The following FAAH2 variants were observed in gnomAD, a reference collection of about 807,000 sequenced individuals.
The protein encoded by FAAH2 is fatty acid amide hydrolase 2, also known as fatty-acid amide hydrolase 2.
Under a neutral mutation model 36.9 loss-of-function variants are expected in FAAH2, and 60 were observed. That is an observed-to-expected ratio of 1.63 (90% confidence interval 1.32 to 2.02). FAAH2 has a LOEUF of 2.02. Among genes scored for constraint, FAAH2 ranks in the 30% most tolerant of loss-of-function variants. The pLI, the probability that FAAH2 is intolerant of heterozygous loss-of-function variation, is 0.00. For missense variants in FAAH2, 689 were observed against 397.5 expected (o/e 1.73, Z -6.23); for synonymous variants, 214 against 143.8 (o/e 1.49, Z -3.49).
chrX:57,146,091 A>T, the FAAH2 span, among the ~76,000 whole-genome samples: 1 of 106,853 alleles, frequency 9.4e-6, no homozygotes, highest in Non-Finnish European at 1.9e-5. Flanking sequence ...TGTTTTTTCT[A>T]GTTCTGTGAA....
chrX:57,335,384 T>C (rs2147025278), intron 4 of FAAH2, among the ~76,000 whole-genome samples: 1 of 112,176 alleles, frequency 8.9e-6, no homozygotes, highest in South Asian at 3.8e-4. Context: ...AATAGGATAA[T>C]AGTGGAGAGA....
At chrX:57,226,171 A>T in the FAAH2 span, among the ~76,000 whole-genome samples, 1 of 112,119 alleles carries the variant, frequency 8.9e-6, no homozygotes, top group African/African-American at 3.2e-5. Flanking sequence ...TCTTGCATTC[A>T]TCATGCTCTT....
At chrX:57,465,171 TTAA>T (rs1161977100) in intron 10 of FAAH2, among the ~76,000 whole-genome samples, 1 of 111,765 alleles carries the variant, frequency 8.9e-6, no homozygotes, top group African/African-American at 3.2e-5. Context: ...ATCAGCAGGC[TTAA>T]TGATAGATCA....
intron 3 of FAAH2, among the ~76,000 whole-genome samples, chrX:57,316,833 A>G (rs748400421): frequency 4.1e-4 from 46 of 111,287 alleles, no homozygotes; most frequent in Non-Finnish European, 7.4e-4. Context: ...ACCGCCTCCA[A>G]AAAAACATGG....
At chrX:57,459,943 C>A (rs1231931768) in intron 10 of FAAH2, among the ~76,000 whole-genome samples, 1 of 111,336 alleles carries the variant, frequency 9.0e-6, no homozygotes, top group Non-Finnish European at 1.9e-5. Flanking sequence ...TCTTCTCCCC[C>A]AAGTGATCAC....
intron 8 of FAAH2, among the ~76,000 whole-genome samples, chrX:57,434,452 A>G (rs1307779090): frequency 1.8e-5 from 2 of 109,890 alleles, no homozygotes; most frequent in African/African-American, 6.6e-5. Context: ...TTTACTAAGA[A>G]GGTAGATTTT....
At chrX:57,224,424 C>A in the FAAH2 span, among the ~76,000 whole-genome samples, 11 of 111,506 alleles carry the variant, frequency 9.9e-5, no homozygotes, top group Non-Finnish European at 1.9e-4. Flanking sequence ...TTTCCCTTTT[C>A]TCTAACCAAA....
upstream of FAAH2, among the ~76,000 whole-genome samples, chrX:57,286,057 C>A (rs1435547866): frequency 9.0e-6 from 1 of 110,881 alleles, no homozygotes; most frequent in African/African-American, 3.3e-5. Context: ...CATTTGTAGA[C>A]CTGTAGGGGC....
Position 57,400,991 on chromosome X carries a change from C to T in FAAH2, c.996+19962C>T, listed in dbSNP as rs749350385. The stretch of plus-strand genomic sequence containing the variant: ...CAAAAAAATTAGCCAGGTGTGGTGG[C>T]GGGCGCCTGCAGTCCCAGCCACTTG... On this transcript the variant is annotated intron_variant, in intron 7 of 10. Coordinates refer to ENST00000374900, the MANE Select transcript of FAAH2 (RefSeq NM_174912.4). Among the ~76,000 whole-genome samples, 354 of 110,946 alleles carry T rather than the reference C, an allele frequency of 3.2e-3. 1 individual carries two copies. The highest frequency in any genetic ancestry group is 0.011 in the African/African-American group (341 of 30,511).
intron 10 of FAAH2, among the ~76,000 whole-genome samples, chrX:57,459,653 G>A (rs1286319388): frequency 8.9e-6 from 1 of 112,386 alleles, no homozygotes; most frequent in African/African-American, 3.2e-5. Context: ...GGAAGAAGCA[G>A]GCAGCAATCT....
chrX:57,485,935 C>T (rs887462029), intron 10 of FAAH2, among the ~76,000 whole-genome samples: 2 of 111,658 alleles, frequency 1.8e-5, no homozygotes, highest in Non-Finnish European at 3.8e-5. Flanking sequence ...CTGATAGCAA[C>T]CCTGGACAGC....
intron 10 of FAAH2, among the ~76,000 whole-genome samples, chrX:57,467,185 A>T (rs954490870): frequency 9.0e-6 from 1 of 111,423 alleles, no homozygotes; most frequent in Non-Finnish European, 1.9e-5. Context: ...GACGCAGAAG[A>T]TGGGTGACTT....
chrX:57,384,505 G>C (rs2054956449), intron 7 of FAAH2, among the ~76,000 whole-genome samples: 1 of 110,379 alleles, frequency 9.1e-6, no homozygotes, highest in Admixed American at 9.6e-5. Context: ...CCATCAAAAA[G>C]TGGGCAAAGG....
chrX:57,331,876 A>G, intron 4 of FAAH2, 69 bp downstream of exon 4: 1 of 1,022,836 alleles, frequency 9.8e-7, no homozygotes, highest in Non-Finnish European at 1.4e-6. Context: ...TGTATTAATA[A>G]ACATGATACA....
chrX:57,296,542 G>A (rs1053296410), intron 2 of FAAH2, among the ~76,000 whole-genome samples: 18 of 111,763 alleles, frequency 1.6e-4, no homozygotes, highest in African/African-American at 4.2e-4. Context: ...AAAAATCAGA[G>A]CACCACTCCT....
intron 5 of FAAH2, among the ~76,000 whole-genome samples, chrX:57,351,761 A>T (rs2054003893): frequency 9.3e-6 from 1 of 107,654 alleles, no homozygotes. Context: ...AAATCTATTG[A>T]GATTGATTCA....
chrX:57,411,424 A>G (rs1382377360), intron 7 of FAAH2, among the ~76,000 whole-genome samples: 1 of 110,579 alleles, frequency 9.0e-6, no homozygotes, highest in Non-Finnish European at 1.9e-5. Flanking sequence ...ACTGGGGAGG[A>G]AGGAAGCTTG....
the FAAH2 span, among the ~76,000 whole-genome samples, chrX:57,211,928 A>G: frequency 1.8e-5 from 2 of 111,990 alleles, no homozygotes; most frequent in Non-Finnish European, 3.8e-5. Flanking sequence ...GTCCCACCCC[A>G]ACAAAGGTAA....
chrX:57,173,080 C>T, the FAAH2 span, among the ~76,000 whole-genome samples: 2 of 111,759 alleles, frequency 1.8e-5, no homozygotes, highest in Admixed American at 9.5e-5. Flanking sequence ...CTTAAAGGGA[C>T]CACACCCTTC....
Sources: gnomAD v4.1 joint callset for allele counts (sites outside exome capture counted in the v4.1 genomes callset) on GRCh38, gnomAD v4.1.1 for gene constraint, MANE v1.5 for transcripts, NCBI Gene and HGNC (gene_info 2026-07-23, HGNC 2026-07-21) for gene names.